Variants in EIF2A observed in about 807,000 individuals in gnomAD.
EIF2A encodes the protein eukaryotic translation initiation factor 2A.
In EIF2A, 62 loss-of-function variants were observed where a neutral mutation model predicts 75.2. The ratio of observed to expected loss-of-function variants is 0.82; its 90% CI spans 0.67 to 1.02. The LOEUF (loss-of-function observed/expected upper bound fraction) is 1.02, where lower values mean the gene tolerates loss of function less well. Ranked by LOEUF, EIF2A falls within the 50% of genes least tolerant of loss-of-function variation. The pLI is 0.00. For missense variants in EIF2A, 611 were observed against 677.7 expected (o/e 0.90, Z 1.09); for synonymous variants, 207 against 239.0 (o/e 0.87, Z 1.23).
In EIF2A at chr3:150,583,841, T is replaced by C; in HGVS notation, c.1693-5T>C. 1 of 1,613,284 alleles carries C rather than the reference T, an allele frequency of 6.2e-7. No homozygotes were observed. The highest frequency in any genetic ancestry group is 2.2e-5 in the East Asian group (1 of 44,794). On this transcript the variant is annotated splice_polypyrimidine_tract_variant and splice_region_variant and intron_variant, in intron 13 of 13. Transcript: ENST00000460851. ...TAATAACTTCATTGTTTCAAACTTT[T>C]CTAGTTGGAGAAAATTCAGAAAGAA...
intron 11 of EIF2A, among the ~76,000 whole-genome samples, chr3:150,579,689 T>TAG: frequency 6.9e-6 from 1 of 144,330 alleles, no homozygotes; most frequent in East Asian, 2.0e-4. Context: ...CACTCCAGCC[T>TAG]AGACTCTGTC....
intron 3 of EIF2A, 74 bp from the exon 4 acceptor site, chr3:150,562,468 G>A (rs1723937154): frequency 1.8e-6 from 2 of 1,105,818 alleles, no homozygotes; most frequent in Non-Finnish European, 2.6e-6. Flanking sequence ...TTGAAAAGAG[G>A]TATGAATGTT....
At chr3:150,569,769 C>T (rs564458257) in intron 9 of EIF2A, among the ~76,000 whole-genome samples, 52 of 151,692 alleles carry the variant, frequency 3.4e-4, no homozygotes, top group African/African-American at 9.9e-4. Flanking sequence ...GAGCCAAGAT[C>T]GTGCCACCGC....
intron 10 of EIF2A, 82 bp from the exon 11 acceptor site, chr3:150,575,567 A>T: frequency 9.9e-7 from 1 of 1,014,246 alleles, no homozygotes; most frequent in Non-Finnish European, 1.4e-6. Flanking sequence ...AGTTTATCCT[A>T]TATTAGCAGA....
chr3:150,567,588 T>C (rs762794602), intron 6 of EIF2A, 105 bp from the exon 7 acceptor site: 2 of 770,622 alleles, frequency 2.6e-6, no homozygotes, highest in African/African-American at 1.8e-5. Flanking sequence ...CTACAGTGAG[T>C]AGTATTGGTG....
Position 150,562,603 on chromosome 3 carries a change from G to A in EIF2A, c.235G>A (p.Val79Ile), listed in dbSNP as rs921162756. The change falls in exon 4 of 14, where the codon GTT (valine) becomes ATT (isoleucine). Residue 79 changes from valine (V) to isoleucine (I), a missense_variant. By Grantham distance (29) the Val-to-Ile change is conservative. Transcript: ENST00000460851. ...GCACTCCTTCGACCTCCTGAAGGCA[G>A]TTTGCCTTGAATTCTCACCCAAAAA... ...LLHSFDLLKA[V>I]CLEFSPKNTV... The A allele has an allele frequency of 4.3e-6, 7 of 1,613,500 alleles. No homozygotes were observed. The highest frequency in any genetic ancestry group is 4.2e-6 in the Non-Finnish European group (5 of 1,179,702).
chr3:150,552,655 GA>G (rs1320762654), intron 2 of EIF2A: 1 of 352,058 alleles, frequency 2.8e-6, no homozygotes, highest in Non-Finnish European at 5.1e-6. Flanking sequence ...ACAATACTAA[GA>G]AAAAGTGTAG....
intron 11 of EIF2A, among the ~76,000 whole-genome samples, chr3:150,576,926 G>T (rs931668842): frequency 5.3e-5 from 8 of 152,216 alleles, no homozygotes; most frequent in African/African-American, 1.7e-4. Context: ...GATTGGCTGG[G>T]CTGGGGATGT....
intron 2 of EIF2A, among the ~76,000 whole-genome samples, chr3:150,555,305 G>A (rs1723504789): frequency 6.6e-6 from 1 of 151,450 alleles, no homozygotes; most frequent in Non-Finnish European, 1.5e-5. Flanking sequence ...TGCCCAGGCT[G>A]GAGTGCAATG....
chr3:150,554,880 C>T (rs934235433), intron 2 of EIF2A, among the ~76,000 whole-genome samples: 1 of 152,286 alleles, frequency 6.6e-6, no homozygotes, highest in South Asian at 2.1e-4. Context: ...TCAGGCCCTA[C>T]CCAACTTACT....
intron 13 of EIF2A, 95 bp from the exon 14 acceptor site, chr3:150,583,751 T>A: frequency 8.7e-7 from 1 of 1,146,864 alleles, no homozygotes; most frequent in East Asian, 2.5e-5. Context: ...CTAGTGAACA[T>A]AATAAATTGT....
chr3:150,558,601 T>A, intron 3 of EIF2A, 139 bp downstream of exon 3: 1 of 651,268 alleles, frequency 1.5e-6, no homozygotes, highest in Non-Finnish European at 2.3e-6. Flanking sequence ...TACCTCTCGT[T>A]ACACAAAATA....
At chr3:150,556,507 A>T (rs1009302661) in intron 2 of EIF2A, among the ~76,000 whole-genome samples, 2 of 152,156 alleles carry the variant, frequency 1.3e-5, no homozygotes, top group Admixed American at 6.6e-5. Context: ...TTATGTTTTT[A>T]AAAAAATATA....
intron 11 of EIF2A, among the ~76,000 whole-genome samples, chr3:150,577,733 A>T (rs1724953988): frequency 6.6e-6 from 1 of 152,022 alleles, no homozygotes; most frequent in Non-Finnish European, 1.5e-5. Context: ...GAAAGGGCAG[A>T]TTTTTAACAG....
intron 10 of EIF2A, among the ~76,000 whole-genome samples, chr3:150,575,087 A>G (rs1224718499): frequency 2.0e-5 from 3 of 152,196 alleles, no homozygotes; most frequent in African/African-American, 7.2e-5. Context: ...CTGACAAGCC[A>G]TGTAATTTTT....
rs1355658993 is a variant in EIF2A at position 150,585,923 on chromosome 3, A to T, written c.*2012A>T. ...GAAAGCAGCCAGCTGTAAGCCAGAG[A>T]GTCCTCACCAGAACCTAACCATGCT... On this transcript the variant is annotated 3_prime_UTR_variant, in exon 14 of 14. Coordinates refer to ENST00000460851, the MANE Select transcript of EIF2A (RefSeq NM_032025.5). 6.6e-6 allele frequency among the ~76,000 whole-genome samples: 1 copy of T among 152,228 alleles called. No homozygotes were observed. The highest frequency in any genetic ancestry group is 1.5e-5 in the Non-Finnish European group (1 of 68,040).
intron 1 of EIF2A, among the ~76,000 whole-genome samples, chr3:150,550,574 A>G (rs1185004385): frequency 6.6e-6 from 1 of 152,222 alleles, no homozygotes; most frequent in South Asian, 2.1e-4. Context: ...AGTTTGGGCC[A>G]GGTGGCTTAC....
rs1434986920 is a variant in EIF2A at position 150,571,993 on chromosome 3, T to G, written c.847T>G (p.Ser283Ala). 2.5e-6 allele frequency: 4 copies of G among 1,612,560 alleles called. No homozygotes were observed. The Admixed American group carries it at 5.0e-5, about 20-fold the overall frequency. Residue 283 changes from serine to alanine, a missense_variant, in exon 10 of 14, where the codon TCT becomes GCT. Coordinates refer to ENST00000460851, the MANE Select transcript of EIF2A (RefSeq NM_032025.5). ...CCCCATTTATGATGTAGTTTGGAAT[T>G]CTAGTTCTACTGAGTTTTGTGCTGT... is the stretch of plus-strand genomic sequence containing the variant. ...NGPIYDVVWN[S>A]SSTEFCAVYG...
intron 10 of EIF2A, among the ~76,000 whole-genome samples, chr3:150,573,425 T>A (rs1006279804): frequency 2.6e-5 from 4 of 152,182 alleles, no homozygotes; most frequent in African/African-American, 9.7e-5. Context: ...CTAATTTTTT[T>A]ATTTTTAGTA....
Sources: allele counts gnomAD v4.1 joint callset (sites outside exome capture counted in the v4.1 genomes callset), GRCh38; gene constraint gnomAD v4.1.1; transcripts MANE v1.5; gene names NCBI Gene and HGNC (gene_info 2026-07-23, HGNC 2026-07-21).